Variants in CERKL observed in about 807,000 individuals in gnomAD.
CERKL encodes the protein ceramide kinase-like protein.
A neutral mutation model predicts 63.4 loss-of-function variants in CERKL; 61 were observed. The ratio of observed to expected loss-of-function variants is 0.96; its 90% CI spans 0.78 to 1.19. The LOEUF is 1.19. Among genes scored for constraint, CERKL ranks in the 50% most tolerant of loss-of-function variants. The probability of loss-of-function intolerance (pLI) is 0.00; values close to 1 mark genes in which losing one functional copy is unlikely to be tolerated. For synonymous variants in CERKL, 250 were observed against 230.5 expected (o/e 1.08, Z -0.77); for missense variants, 675 against 655.5 (o/e 1.03, Z -0.33).
intron 1 of CERKL, among the ~76,000 whole-genome samples, chr2:181,616,031 A>G (rs922050096): frequency 6.6e-6 from 1 of 152,072 alleles, no homozygotes; most frequent in African/African-American, 2.4e-5. Flanking sequence ...CAAATGTCAC[A>G]TTGTTATCGG....
intron 4 of CERKL, among the ~76,000 whole-genome samples, chr2:181,559,449 A>G (rs1409585480): frequency 1.3e-5 from 2 of 152,148 alleles, no homozygotes; most frequent in African/African-American, 2.4e-5. Flanking sequence ...AGTTAACCCA[A>G]TGGAAAGTGG....
chr2:181,625,027 G>C (rs1596023), intron 1 of CERKL, among the ~76,000 whole-genome samples: 2 of 151,948 alleles, frequency 1.3e-5, no homozygotes, highest in Non-Finnish European at 2.9e-5. Context: ...ACTAGAGAAG[G>C]TCCAACCAGA....
chr2:181,652,797 A>G (rs895980335), intron 1 of CERKL, among the ~76,000 whole-genome samples: 49 of 147,862 alleles, frequency 3.3e-4, no homozygotes, highest in Non-Finnish European at 6.2e-4. Flanking sequence ...TTTTTTTGAG[A>G]TGAAGTCTCA....
In CERKL at chr2:181,579,543, C is replaced by T. The variant is rs892508865; in HGVS notation, c.482-5659G>A. Among the ~76,000 whole-genome samples the T allele has an allele frequency of 1.1e-4, 16 of 151,810 alleles. 1 individual carries two copies. The highest frequency in any genetic ancestry group is 9.8e-4 in the Admixed American group (15 of 15,250). On this transcript the variant is annotated intron_variant, in intron 2 of 12. Coordinates refer to ENST00000410087, the MANE Select transcript of CERKL (RefSeq NM_201548.5). Reference sequence around the variant, plus strand: ...TTGTTATGAGTTACAAATGCTTTTCCTAGTGTGTCATTTGCCTTAATAACT... The same window carrying T: ...TTGTTATGAGTTACAAATGCTTTTCTTAGTGTGTCATTTGCCTTAATAACT...
intron 1 of CERKL, among the ~76,000 whole-genome samples, chr2:181,605,162 G>C (rs567310565): frequency 6.6e-6 from 1 of 152,282 alleles, no homozygotes; most frequent in South Asian, 2.1e-4. Flanking sequence ...CCCTACGACC[G>C]CCCCAACCTA....
intron 1 of CERKL, among the ~76,000 whole-genome samples, chr2:181,645,899 T>C (rs1021115958): frequency 1.3e-5 from 2 of 152,074 alleles, no homozygotes; most frequent in African/African-American, 4.8e-5. Context: ...GGGGTGGTAA[T>C]AGAAAGGACA....
At chr2:181,555,665 G>A (rs189875762) in intron 5 of CERKL, among the ~76,000 whole-genome samples, 144 of 151,568 alleles carry the variant, frequency 9.5e-4, no homozygotes, top group African/African-American at 3.4e-3. Context: ...TAATCATAGG[G>A]AAAAATATTT....
intron 2 of CERKL, among the ~76,000 whole-genome samples, chr2:181,597,836 C>T (rs1277781795): frequency 6.6e-6 from 1 of 152,100 alleles, no homozygotes; most frequent in Non-Finnish European, 1.5e-5. Context: ...GCCCAGGGGG[C>T]CAGCAAGTTC....
Position 181,547,893 on chromosome 2 carries a change from G to GCACA in CERKL, c.1134-50_1134-47dup, listed in dbSNP as rs749565720. ...CAAAGACATAAAACAGATAACGCGCGCACAGACACACAGACACACACAAAT... is the reference window on the plus strand; with the variant it reads ...CAAAGACATAAAACAGATAACGCGCGCACACACAGACACACAGACACACACAAAT... On this transcript the variant is annotated intron_variant, in intron 8 of 12. Coordinates refer to ENST00000410087, the MANE Select transcript of CERKL (RefSeq NM_201548.5). 1.9e-5 allele frequency: 20 copies of GCACA among 1,030,706 alleles called. No individual in the cohort carries two copies. In the South Asian group the frequency reaches 2.8e-4, roughly 14 times the overall value. The allele number at this position is 1,030,706 out of a possible 1,614,324, so 63.8% of individuals were successfully genotyped here. A position where few individuals can be genotyped will look rare whatever the true frequency, so the allele number is the denominator to read the frequency against.
intron 2 of CERKL, among the ~76,000 whole-genome samples, chr2:181,588,243 C>T (rs1025915634): frequency 6.6e-6 from 1 of 152,160 alleles, no homozygotes; most frequent in Non-Finnish European, 1.5e-5. Flanking sequence ...CCGTGACCAA[C>T]ATCTCCTTGA....
At chr2:181,654,029 T>C (rs572779597) in intron 1 of CERKL, among the ~76,000 whole-genome samples, 3 of 152,176 alleles carry the variant, frequency 2.0e-5, no homozygotes, top group Non-Finnish European at 2.9e-5. Context: ...ATATATACAA[T>C]TACAATGTGT....
chr2:181,560,272 A>G (rs895737788), intron 4 of CERKL, among the ~76,000 whole-genome samples: 1 of 152,196 alleles, frequency 6.6e-6, no homozygotes, highest in Non-Finnish European at 1.5e-5. Flanking sequence ...TCATACCCAA[A>G]AAAATCTAAT....
At chr2:181,645,372 C>G (rs572566930) in intron 1 of CERKL, among the ~76,000 whole-genome samples, 1 of 152,330 alleles carries the variant, frequency 6.6e-6, no homozygotes, top group South Asian at 2.1e-4. Context: ...AGGCACTCTT[C>G]AAGGTGCTGA....
At chr2:181,592,560 C>A (rs1010491260) in intron 2 of CERKL, among the ~76,000 whole-genome samples, 3 of 152,078 alleles carry the variant, frequency 2.0e-5, no homozygotes, top group African/African-American at 7.2e-5. Flanking sequence ...ATCTGAATGG[C>A]ATATCAAAGA....
chr2:181,642,499 T>G (rs1687486189), intron 1 of CERKL, among the ~76,000 whole-genome samples: 1 of 152,206 alleles, frequency 6.6e-6, no homozygotes, highest in Non-Finnish European at 1.5e-5. Context: ...TTACATAAAC[T>G]TAAAGCTCAA....
At chr2:181,623,955 A>C (rs1052892870) in intron 1 of CERKL, among the ~76,000 whole-genome samples, 9 of 152,178 alleles carry the variant, frequency 5.9e-5, no homozygotes, top group Admixed American at 3.9e-4. Context: ...TTAGCTCTCT[A>C]AAATCAGTAA....
intron 2 of CERKL, among the ~76,000 whole-genome samples, chr2:181,590,324 G>A (rs1480315240): frequency 2.6e-5 from 4 of 151,860 alleles, no homozygotes; most frequent in African/African-American, 9.7e-5. Flanking sequence ...ATTTTTAGTA[G>A]AGACAGGGTT....
At chr2:181,589,372 T>C (rs146265191) in intron 2 of CERKL, among the ~76,000 whole-genome samples, 1 of 152,352 alleles carries the variant, frequency 6.6e-6, no homozygotes, top group African/African-American at 2.4e-5. Flanking sequence ...AGTATATATT[T>C]CAAGTACTGT....
chr2:181,600,342 A>G (rs1685404369), intron 2 of CERKL, among the ~76,000 whole-genome samples: 1 of 152,246 alleles, frequency 6.6e-6, no homozygotes, highest in Non-Finnish European at 1.5e-5. Flanking sequence ...TATCAAATGT[A>G]TAGGAACAAA....
Sources: allele counts gnomAD v4.1 joint callset (sites outside exome capture counted in the v4.1 genomes callset), GRCh38; gene constraint gnomAD v4.1.1; transcripts MANE v1.5; gene names NCBI Gene and HGNC (gene_info 2026-07-23, HGNC 2026-07-21).